Variants in TMEM17 observed in about 807,000 individuals in gnomAD.
TMEM17 encodes transmembrane protein 17.
In TMEM17, 15 loss-of-function variants were observed where a neutral mutation model predicts 19.1. The ratio of observed to expected loss-of-function variants is 0.78; its 90% CI spans 0.52 to 1.21. The LOEUF (loss-of-function observed/expected upper bound fraction) is 1.21, where lower values mean the gene tolerates loss of function less well. Among genes scored for constraint, TMEM17 ranks in the 50% most tolerant of loss-of-function variants. TMEM17 has a pLI of 0.00. For missense variants in TMEM17, 245 were observed against 242.3 expected, an observed-to-expected ratio of 1.01 and a Z score of -0.07; for synonymous variants, 103 against 86.9, an observed-to-expected ratio of 1.19 and a Z score of -1.03.
the TMEM17 span, among the ~76,000 whole-genome samples, chr2:62,470,829 C>G: frequency 0.16 from 24,966 of 152,244 alleles, 3,508 homozygotes; most frequent in African/African-American, 0.38. Flanking sequence ...CATTTTCTCT[C>G]AGGAGGAACA....
chr2:62,476,556 C>A, the TMEM17 span, among the ~76,000 whole-genome samples: 2 of 152,180 alleles, frequency 1.3e-5, no homozygotes, highest in Non-Finnish European at 2.9e-5. Flanking sequence ...CCCTGATAAA[C>A]CCATTGTAAA....
At chr2:62,481,175 T>G in the TMEM17 span, among the ~76,000 whole-genome samples, 6 of 151,894 alleles carry the variant, frequency 4.0e-5, no homozygotes, top group African/African-American at 1.4e-4. Context: ...AGGTTTTGTG[T>G]TTTTTTGTTG....
the TMEM17 span, among the ~76,000 whole-genome samples, chr2:62,469,045 C>T: frequency 6.6e-6 from 1 of 150,492 alleles, no homozygotes; most frequent in Non-Finnish European, 1.5e-5. Context: ...ATGGCCAAGC[C>T]AAACAATACC....
the TMEM17 span, among the ~76,000 whole-genome samples, chr2:62,490,576 A>T: frequency 4.6e-4 from 70 of 152,168 alleles, no homozygotes; most frequent in African/African-American, 1.7e-3. Flanking sequence ...TTAAAACCTT[A>T]TTATAAATAC....
chr2:62,466,086 C>T, the TMEM17 span, among the ~76,000 whole-genome samples: 1 of 152,276 alleles, frequency 6.6e-6, no homozygotes, highest in African/African-American at 2.4e-5. Flanking sequence ...GTCCCCACTA[C>T]CCTGCAGAGC....
chr2:62,481,790 G>A, the TMEM17 span, among the ~76,000 whole-genome samples: 2 of 151,900 alleles, frequency 1.3e-5, no homozygotes, highest in Non-Finnish European at 2.9e-5. Flanking sequence ...AAGAGTCTGC[G>A]AGGCTATCGT....
the TMEM17 span, among the ~76,000 whole-genome samples, chr2:62,494,157 A>T: frequency 6.6e-6 from 1 of 152,228 alleles, no homozygotes; most frequent in Non-Finnish European, 1.5e-5. Flanking sequence ...TGGAGTGTCA[A>T]AGCATAGTGG....
the TMEM17 span, among the ~76,000 whole-genome samples, chr2:62,482,728 C>G: frequency 6.6e-6 from 1 of 152,150 alleles, no homozygotes; most frequent in Non-Finnish European, 1.5e-5. Flanking sequence ...TCACCATTCT[C>G]AACATGTCGA....
chr2:62,499,720 G>C (rs756851719), downstream of TMEM17, among the ~76,000 whole-genome samples: 10 of 152,160 alleles, frequency 6.6e-5, no homozygotes, highest in Non-Finnish European at 1.3e-4. Context: ...AAATTGAAAA[G>C]AGCAGTTTTT....
chr2:62,466,304 G>C, the TMEM17 span, among the ~76,000 whole-genome samples: 1 of 152,152 alleles, frequency 6.6e-6, no homozygotes, highest in Non-Finnish European at 1.5e-5. Context: ...GAACCTTCCT[G>C]CAGGGGCCCC....
chr2:62,485,077 A>G, the TMEM17 span, among the ~76,000 whole-genome samples: 1 of 152,310 alleles, frequency 6.6e-6, no homozygotes, highest in East Asian at 1.9e-4. Context: ...AGCTGGGACT[A>G]CAGGTGTGTG....
the TMEM17 span, among the ~76,000 whole-genome samples, chr2:62,463,666 A>G: frequency 6.6e-6 from 1 of 152,200 alleles, no homozygotes; most frequent in Non-Finnish European, 1.5e-5. Context: ...GAGGCAGAGA[A>G]ATTCTAGGCA....
chr2:62,485,099 G>A, the TMEM17 span, among the ~76,000 whole-genome samples: 16 of 152,138 alleles, frequency 1.1e-4, no homozygotes, highest in Non-Finnish European at 1.9e-4. Context: ...CAACACGCCC[G>A]GCTAATTTTT....
At chr2:62,464,833 T>C in the TMEM17 span, among the ~76,000 whole-genome samples, 629 of 152,236 alleles carry the variant, frequency 4.1e-3, 5 homozygotes, top group African/African-American at 0.015. Flanking sequence ...TATCTTCTTG[T>C]GCTGAGTCAG....
At chr2:62,499,333 T>G (rs1679859732), downstream of TMEM17, among the ~76,000 whole-genome samples, 1 of 152,208 alleles carries the variant, frequency 6.6e-6, no homozygotes, top group Non-Finnish European at 1.5e-5. Flanking sequence ...CCCTAATTTA[T>G]CTGCTTTGTA....
At chr2:62,503,215 C>T (rs938525829) in intron 1 of TMEM17, among the ~76,000 whole-genome samples, 4 of 152,044 alleles carry the variant, frequency 2.6e-5, no homozygotes, top group South Asian at 2.1e-4. Context: ...TATACAAAAA[C>T]GGATTACCAA....
the TMEM17 span, among the ~76,000 whole-genome samples, chr2:62,474,440 C>A: frequency 6.6e-6 from 1 of 152,170 alleles, no homozygotes; most frequent in East Asian, 1.9e-4. Context: ...GCGTCTGTCT[C>A]CAGAACAAAT....
the TMEM17 span, among the ~76,000 whole-genome samples, chr2:62,462,222 C>T: frequency 6.6e-6 from 1 of 152,220 alleles, no homozygotes; most frequent in African/African-American, 2.4e-5. Flanking sequence ...TCTCTGACCT[C>T]CCTTTGCCGC....
chr2:62,505,910 T>C, intron 1 of TMEM17, 120 bp downstream of exon 1: 1 of 1,006,624 alleles, frequency 9.9e-7, no homozygotes, highest in Non-Finnish European at 1.5e-6. Context: ...TCTCCCGCAC[T>C]GCGGAGAACT....
Sources: gnomAD v4.1 joint callset for allele counts (sites outside exome capture counted in the v4.1 genomes callset) on GRCh38, gnomAD v4.1.1 for gene constraint, MANE v1.5 for transcripts, NCBI Gene and HGNC (gene_info 2026-07-23, HGNC 2026-07-21) for gene names.